PTPN3: variants seen among roughly 807,000 people sequenced by gnomAD.
PTPN3 encodes the protein protein tyrosine phosphatase non-receptor type 3.
PTPN3 carries 96 observed loss-of-function variants against 132.7 expected under a neutral mutation model. The observed-to-expected ratio is 0.72, with a 90% CI of 0.61 to 0.86. PTPN3 has a LOEUF of 0.86. Ranked by LOEUF, PTPN3 falls within the 40% of genes least tolerant of loss-of-function variation. The pLI, the probability that PTPN3 is intolerant of heterozygous loss-of-function variation, is 0.00. For synonymous variants in PTPN3, 398 were observed against 429.0 expected (o/e 0.93, Z 0.89); for missense variants, 1,125 against 1,159.6 (o/e 0.97, Z 0.43).
intron 6 of PTPN3, among the ~76,000 whole-genome samples, chr9:109,447,990 C>A (rs1844974365): frequency 6.6e-6 from 1 of 152,202 alleles, no homozygotes; most frequent in African/African-American, 2.4e-5. Context: ...CTCCTCACTT[C>A]TCTACCCAAC....
At chr9:109,428,764 C>G in intron 10 of PTPN3, 80 bp from the exon 11 acceptor site, 1 of 1,527,246 alleles carries the variant, frequency 6.5e-7, no homozygotes, top group Non-Finnish European at 8.8e-7. Context: ...AATGCATGTC[C>G]TTTACTCCAT....
Position 109,457,282 on chromosome 9 carries a change from T to C in PTPN3, c.246+10A>G. ...AGGAGTTCAGCACATTTTTTAAAAA[T>C]GGCACTTACAGGAGAGTCCACGGAG... On this transcript the variant is annotated intron_variant, in intron 3 of 25. Transcript: ENST00000374541. The C allele has an allele frequency of 1.9e-6, 3 of 1,612,946 alleles. No individual in the cohort carries two copies. The highest frequency in any genetic ancestry group is 1.7e-4 in the Middle Eastern group (1 of 6,050).
upstream of PTPN3, among the ~76,000 whole-genome samples, chr9:109,501,926 CCCT>C (rs1299835354): frequency 6.6e-6 from 1 of 152,164 alleles, no homozygotes; most frequent in Non-Finnish European, 1.5e-5. Flanking sequence ...GTAAGAGCAG[CCCT>C]CCTCCTGCGA....
rs192759410 is a variant in PTPN3, at chr9:109,462,724, G to A, written c.138+573C>T. 7.2e-5 allele frequency among the ~76,000 whole-genome samples: 11 copies of A among 152,088 alleles called. No individual in the cohort carries two copies. In the East Asian group the frequency reaches 2.2e-3, roughly 30 times the overall value. ...CTCTGCCACGGGCTTTAAGTGGGATGAGCCAGAACCTCCCCAAGCCCTGCC... is the reference window on the plus strand; with the variant it reads ...CTCTGCCACGGGCTTTAAGTGGGATAAGCCAGAACCTCCCCAAGCCCTGCC... On this transcript the variant is annotated intron_variant, in intron 2 of 25. Transcript: ENST00000374541.
At chr9:109,420,713 G>A (rs1173905296) in intron 13 of PTPN3, 113 bp from the exon 14 acceptor site, 18 of 1,136,756 alleles carry the variant, frequency 1.6e-5, no homozygotes, top group East Asian at 2.6e-5. Context: ...CTTCCTTGGC[G>A]GAGGCTGACA....
At chr9:109,462,963 A>G (rs1588468409) in intron 2 of PTPN3, among the ~76,000 whole-genome samples, 1 of 151,274 alleles carries the variant, frequency 6.6e-6, no homozygotes, top group South Asian at 2.1e-4. Flanking sequence ...ATAGGGTGCC[A>G]TGATGCCTCC....
chr9:109,503,975 C>A, the PTPN3 span, among the ~76,000 whole-genome samples: 8 of 152,190 alleles, frequency 5.3e-5, no homozygotes, highest in Middle Eastern at 3.4e-3. Flanking sequence ...GTACAAGGAA[C>A]AATAAACATC....
the PTPN3 span, among the ~76,000 whole-genome samples, chr9:109,506,729 A>C: frequency 6.6e-6 from 1 of 151,852 alleles, no homozygotes; most frequent in Non-Finnish European, 1.5e-5. Flanking sequence ...CAGCCTTCCA[A>C]GTAGCTGGGA....
chr9:109,490,254 G>A (rs1328303386), intron 1 of PTPN3, among the ~76,000 whole-genome samples: 1 of 152,162 alleles, frequency 6.6e-6, no homozygotes, highest in East Asian at 1.9e-4. Flanking sequence ...GGGGCTGGAA[G>A]AAAGCAGAAA....
chr9:109,400,389 A>G lies in PTPN3; in HGVS notation c.1953+4059T>C, dbSNP rs141328095. On this transcript the variant is annotated intron_variant, in intron 19 of 25. Transcript: ENST00000374541. ...TCTAACTCTTAAATGAACTCACAAG[A>G]TACCCAATTTATATATGGGCAAACA... Among the ~76,000 whole-genome samples the G allele has an allele frequency of 4.2e-4, 64 of 152,336 alleles. No homozygotes were observed. In the East Asian group the frequency reaches 6.4e-3, roughly 15 times the overall value.
chr9:109,483,866 A>G (rs892349370), intron 1 of PTPN3, among the ~76,000 whole-genome samples: 5 of 152,132 alleles, frequency 3.3e-5, no homozygotes, highest in Non-Finnish European at 7.4e-5. Context: ...CCCCATCATT[A>G]ATCATGTTCT....
intron 1 of PTPN3, among the ~76,000 whole-genome samples, chr9:109,489,550 A>C (rs1847364693): frequency 6.6e-6 from 1 of 152,090 alleles, no homozygotes; most frequent in Non-Finnish European, 1.5e-5. Flanking sequence ...AGTCATGTGC[A>C]ATTATTAATA....
chr9:109,416,162 G>T (rs951388639), intron 14 of PTPN3, among the ~76,000 whole-genome samples: 10 of 152,188 alleles, frequency 6.6e-5, no homozygotes, highest in Non-Finnish European at 1.0e-4. Context: ...AGTAACCAAG[G>T]CTGGCAGGTG....
chr9:109,437,995 C>A (rs1045612997), intron 8 of PTPN3, 119 bp downstream of exon 8: 21 of 1,272,312 alleles, frequency 1.7e-5, no homozygotes, highest in Non-Finnish European at 1.9e-5. Flanking sequence ...CAAAAACCCC[C>A]GACATCTTGA....
chr9:109,445,349 T>C lies in PTPN3; in HGVS notation c.414-57A>G, dbSNP rs533394200. 15 of 1,448,892 alleles carry C rather than the reference T, an allele frequency of 1.0e-5. No homozygotes were observed. The South Asian group carries it at 1.5e-4, about 14-fold the overall frequency. 89.8% of individuals were successfully genotyped at this position (1,448,892 alleles called of 1,614,324 possible). On this transcript the variant is annotated intron_variant, in intron 6 of 25. Transcript: ENST00000374541. Reference sequence around the variant, plus strand: ...CAAGAACCAACAACAGCCTTAAACATTGACAGATCATGCGTAGTAACACAT... The same window carrying C: ...CAAGAACCAACAACAGCCTTAAACACTGACAGATCATGCGTAGTAACACAT...
At chr9:109,500,623 G>GA (rs34983104), upstream of PTPN3, among the ~76,000 whole-genome samples, 61,106 of 143,710 alleles carry the variant, frequency 0.43, 13,551 homozygotes, top group Middle Eastern at 0.54. Context: ...AATGTTAAAT[G>GA]AAAAAAAAAA....
At chr9:109,475,373 GA>G (rs1027079932) in intron 1 of PTPN3, among the ~76,000 whole-genome samples, 1 of 152,102 alleles carries the variant, frequency 6.6e-6, no homozygotes, top group Non-Finnish European at 1.5e-5. Context: ...CTCATTCTTG[GA>G]AAAAACTGAA....
chr9:109,491,848 G>A (rs1162578608), intron 1 of PTPN3, among the ~76,000 whole-genome samples: 3 of 152,166 alleles, frequency 2.0e-5, no homozygotes, highest in African/African-American at 7.2e-5. Flanking sequence ...GGCTCAAAGA[G>A]CATGAACATA....
chr9:109,406,757 T>A, intron 17 of PTPN3, 139 bp from the exon 18 acceptor site: 2 of 978,696 alleles, frequency 2.0e-6, no homozygotes, highest in East Asian at 2.4e-5. Flanking sequence ...CTGTCATTAT[T>A]TGTATAATGC....
Sources: allele counts gnomAD v4.1 joint callset (sites outside exome capture counted in the v4.1 genomes callset), GRCh38; gene constraint gnomAD v4.1.1; transcripts MANE v1.5; gene names NCBI Gene and HGNC (gene_info 2026-07-23, HGNC 2026-07-21).